WDR7: variants seen among roughly 807,000 people sequenced by gnomAD.
The protein encoded by WDR7 is WD repeat domain 7.
Under a neutral mutation model 169.4 loss-of-function variants are expected in WDR7, and 46 were observed. The ratio of observed to expected loss-of-function variants is 0.27; its 90% CI spans 0.21 to 0.35. WDR7 has a LOEUF of 0.35. WDR7 is among the 10% of genes least tolerant of loss of function. The pLI is 1.00. For synonymous variants in WDR7, 612 were observed against 666.8 expected (o/e 0.92, Z 1.27); for missense variants, 1,534 against 1,859.3 (o/e 0.83, Z 3.22).
chr18:56,940,655 A>G (rs988162520), intron 25 of WDR7, among the ~76,000 whole-genome samples: 8 of 152,008 alleles, frequency 5.3e-5, no homozygotes, highest in Admixed American at 6.5e-5. Flanking sequence ...CCAGTTGACT[A>G]TTTTCAATGG....
In WDR7 at chr18:56,917,753, G is replaced by A. The variant is rs1397400986; in HGVS notation, c.3527-6169G>A. Among the ~76,000 whole-genome samples the A allele has an allele frequency of 2.6e-5, 4 of 151,970 alleles. No homozygotes were observed. The East Asian group carries it at 7.7e-4, about 29-fold the overall frequency. On this transcript the variant is annotated intron_variant, in intron 21 of 27. Transcript: ENST00000254442. ...ACAGCTTACATAGGCTTTATTTTGCGCTCTCTGCCTCAGTCCTTTTCTCCT... is the reference window on the plus strand; with the variant it reads ...ACAGCTTACATAGGCTTTATTTTGCACTCTCTGCCTCAGTCCTTTTCTCCT...
chr18:56,732,943 G>T (rs1395078901), intron 14 of WDR7, among the ~76,000 whole-genome samples: 1 of 152,054 alleles, frequency 6.6e-6, no homozygotes, highest in African/African-American at 2.4e-5. Context: ...GTATCCCCTA[G>T]AAGTAAAAAT....
intron 26 of WDR7, among the ~76,000 whole-genome samples, chr18:57,003,080 T>C (rs988106954): frequency 2.0e-5 from 3 of 152,172 alleles, no homozygotes; most frequent in Admixed American, 6.6e-5. Context: ...TTGCTATTGT[T>C]GAAAATTGTT....
At chr18:56,916,774 A>G (rs1475183078) in intron 21 of WDR7, among the ~76,000 whole-genome samples, 1 of 152,212 alleles carries the variant, frequency 6.6e-6, no homozygotes, top group East Asian at 1.9e-4. Context: ...ATGTGTTTTA[A>G]ATGAATAAAA....
chr18:56,802,062 G>A (rs2044682636), intron 19 of WDR7, among the ~76,000 whole-genome samples: 1 of 152,126 alleles, frequency 6.6e-6, no homozygotes, highest in African/African-American at 2.4e-5. Flanking sequence ...CAAAGCAGTT[G>A]TGCCTACCAA....
chr18:56,832,402 G>A (rs1043821242), intron 20 of WDR7, among the ~76,000 whole-genome samples: 1 of 152,220 alleles, frequency 6.6e-6, no homozygotes, highest in Non-Finnish European at 1.5e-5. Context: ...AGGGGCGGCT[G>A]TGGTTGCAGC....
At chr18:57,032,843 A>ATATATATATATATATG (rs2048450128), downstream of WDR7, 1 of 123,112 alleles carries the variant, frequency 8.1e-6, no homozygotes, top group African/African-American at 3.1e-5. Flanking sequence ...ATATATATAT[A>ATATATATATATATATG]TACAGTGTAA....
intron 13 of WDR7, among the ~76,000 whole-genome samples, chr18:56,728,542 C>A (rs1435461205): frequency 1.3e-5 from 2 of 152,174 alleles, no homozygotes; most frequent in Admixed American, 1.3e-4. Flanking sequence ...CTCTTCCCAG[C>A]ATAGTCATCC....
At chr18:56,797,079 C>G (rs1331783651) in intron 19 of WDR7, among the ~76,000 whole-genome samples, 2 of 152,106 alleles carry the variant, frequency 1.3e-5, no homozygotes, top group Non-Finnish European at 1.5e-5. Context: ...ATCCTGTGAG[C>G]CAGGTGCATC....
At chr18:56,796,862 G>A (rs941934334) in intron 19 of WDR7, among the ~76,000 whole-genome samples, 4 of 152,266 alleles carry the variant, frequency 2.6e-5, no homozygotes, top group Non-Finnish European at 4.4e-5. Flanking sequence ...ATTTTCTAAC[G>A]TAGTTCTTTA....
chr18:56,685,973 C>G lies in WDR7; in HGVS notation c.538C>G (p.Leu180Val), dbSNP rs1451678600. The change falls in exon 6 of 28, where the codon CTC becomes GTC. Residue 180 changes from leucine (L) to valine (V), a missense_variant. Coordinates refer to ENST00000254442, the MANE Select transcript of WDR7 (RefSeq NM_015285.3). ...HRTQEDTVVA[L>V]SVTGILKVWI... ...CATTTTAGAGGACACAGTGGTAGCA[C>G]TCTCGGTGACTGGCATCCTGAAGGT... 6 of 1,602,548 alleles carry G rather than the reference C, an allele frequency of 3.7e-6. No homozygotes were observed. Among genetic ancestry groups the G allele is most frequent in the Non-Finnish European group, 5.1e-6 (6 of 1,176,244 alleles).
intron 20 of WDR7, among the ~76,000 whole-genome samples, chr18:56,874,886 A>G (rs1405376424): frequency 6.6e-6 from 1 of 151,402 alleles, no homozygotes; most frequent in Non-Finnish European, 1.5e-5. Context: ...CAAGTAAGTA[A>G]TACTCTGGTG....
At chr18:56,758,986 A>G (rs1440678267) in intron 16 of WDR7, 33 bp downstream of exon 16, 3 of 1,555,718 alleles carry the variant, frequency 1.9e-6, no homozygotes, top group African/African-American at 2.7e-5. Context: ...AATTGACATG[A>G]CATTTCAGCT....
chr18:56,718,079 T>A lies in WDR7; in HGVS notation c.1694T>A (p.Val565Glu). The change falls in exon 13 of 28, where the codon GTA (valine) becomes GAA (glutamate). Residue 565 changes from valine (V) to glutamate (E), a missense_variant. Coordinates refer to ENST00000254442, the MANE Select transcript of WDR7 (RefSeq NM_015285.3). ...TCTCGTCACCTTTTTCCTATTCAAGTAATCAAATGGAGGCCTTCTGATGAT... is the reference window on the plus strand; with the variant it reads ...TCTCGTCACCTTTTTCCTATTCAAGAAATCAAATGGAGGCCTTCTGATGAT... ...LASRHLFPIQVIKWRPSDDYL... is the reference protein window; with the variant it reads ...LASRHLFPIQEIKWRPSDDYL... 1.2e-6 allele frequency: 2 copies of A among 1,614,184 alleles called. No individual in the cohort carries two copies. Among genetic ancestry groups the A allele is most frequent in the Non-Finnish European group, 1.7e-6 (2 of 1,180,008 alleles).
rs544659619 is a variant in WDR7, at chr18:57,027,406, C to T, written c.*199C>T. On this transcript the variant is annotated 3_prime_UTR_variant, in exon 28 of 28. Transcript: ENST00000254442. ...TGCCATCTGTCGATTCAGAGGCACG[C>T]ACACATGCTCTGCAGGATGTGGCCA... The T allele has an allele frequency of 4.1e-4, 263 of 637,250 alleles. 2 individuals carry two copies. The African/African-American group carries it at 4.2e-3, about 10-fold the overall frequency. The allele number at this position is 637,250 out of a possible 1,614,324, so 39.5% of individuals were successfully genotyped here.
chr18:56,691,166 A>G, intron 7 of WDR7, 50 bp from the exon 8 acceptor site: 1 of 1,557,940 alleles, frequency 6.4e-7, no homozygotes, highest in South Asian at 1.2e-5. Context: ...ACTGGATCTT[A>G]CTTTTTACAA....
intron 21 of WDR7, among the ~76,000 whole-genome samples, chr18:56,916,971 G>A (rs2046636776): frequency 2.0e-5 from 3 of 152,168 alleles, no homozygotes; most frequent in African/African-American, 4.8e-5. Flanking sequence ...GCCGAGGCAG[G>A]CGGATCATGA....
intron 19 of WDR7, among the ~76,000 whole-genome samples, chr18:56,784,032 C>G (rs2044357941): frequency 6.6e-6 from 1 of 152,150 alleles, no homozygotes; most frequent in Admixed American, 6.5e-5. Flanking sequence ...CTGCGTCAGG[C>G]TTTGCTAAGT....
chr18:56,828,515 A>G (rs1359875854), intron 20 of WDR7, among the ~76,000 whole-genome samples: 1 of 152,220 alleles, frequency 6.6e-6, no homozygotes, highest in Non-Finnish European at 1.5e-5. Context: ...CATGTTTGAA[A>G]AATAATAGAC....
Sources: gnomAD v4.1 joint callset for allele counts (sites outside exome capture counted in the v4.1 genomes callset) on GRCh38, gnomAD v4.1.1 for gene constraint, MANE v1.5 for transcripts, NCBI Gene and HGNC (gene_info 2026-07-23, HGNC 2026-07-21) for gene names.